The following GLDC variants were observed in gnomAD, a reference collection of about 807,000 sequenced individuals.
The protein encoded by GLDC is glycine dehydrogenase (decarboxylating), mitochondrial.
A neutral mutation model predicts 121.3 loss-of-function variants in GLDC; 104 were observed. That is an observed-to-expected ratio of 0.86 (90% CI 0.73 to 1.01). GLDC has a LOEUF of 1.01. Ranked by LOEUF, GLDC falls within the 50% of genes least tolerant of loss-of-function variation. GLDC has a pLI of 0.00. For synonymous variants in GLDC, 546 were observed against 480.6 expected (o/e 1.14, Z -1.78); for missense variants, 1,429 against 1,306.6 (o/e 1.09, Z -1.44).
At chr9:6,592,311 G>A (rs957867263) in intron 10 of GLDC, 88 bp from the exon 11 acceptor site, 3 of 828,252 alleles carry the variant, frequency 3.6e-6, no homozygotes, top group Non-Finnish European at 6.3e-6. Flanking sequence ...GGGAGACAGT[G>A]CTAAACAAAA....
chr9:6,621,586 T>G (rs1819094964), intron 2 of GLDC, among the ~76,000 whole-genome samples: 1 of 152,148 alleles, frequency 6.6e-6, no homozygotes, highest in South Asian at 2.1e-4. Flanking sequence ...GGCTCGATCT[T>G]GGCTCACTGC....
chr9:6,620,459 C>T (rs1819068728), intron 2 of GLDC, 140 bp from the exon 3 acceptor site: 1 of 736,706 alleles, frequency 1.4e-6, no homozygotes, highest in East Asian at 2.7e-5. Context: ...ATCCAACCAA[C>T]ACTAAGTACT....
At chr9:6,550,725 C>A (rs1228076395) in intron 21 of GLDC, 78 bp downstream of exon 21, 1 of 852,544 alleles carries the variant, frequency 1.2e-6, no homozygotes. Context: ...TTGCCCATGT[C>A]AGAAAAGCGC....
At chr9:6,539,016 T>G (rs1463058320) in intron 22 of GLDC, among the ~76,000 whole-genome samples, 1 of 152,216 alleles carries the variant, frequency 6.6e-6, no homozygotes, top group Non-Finnish European at 1.5e-5. Flanking sequence ...CCCATTATGA[T>G]GCAGTAGTGA....
intron 8 of GLDC, among the ~76,000 whole-genome samples, chr9:6,600,211 T>C (rs1440670957): frequency 6.6e-6 from 1 of 151,962 alleles, no homozygotes; most frequent in Non-Finnish European, 1.5e-5. Flanking sequence ...AAAACATTTT[T>C]TTGAAAATTA....
At chr9:6,624,889 G>A (rs576830041) in intron 2 of GLDC, among the ~76,000 whole-genome samples, 18 of 152,086 alleles carry the variant, frequency 1.2e-4, no homozygotes, top group African/African-American at 4.1e-4. Context: ...TTGGGAGGCT[G>A]ACACAGGAGA....
chr9:6,595,168 G>T, intron 8 of GLDC, 49 bp from the exon 9 acceptor site: 1 of 1,194,260 alleles, frequency 8.4e-7, no homozygotes, highest in Non-Finnish European at 1.3e-6. Context: ...GACAATTAGT[G>T]GGAGGGTGTA....
intron 9 of GLDC, among the ~76,000 whole-genome samples, chr9:6,593,675 AACCATGATTTAATC>A (rs1343841783): frequency 2.6e-5 from 4 of 151,138 alleles, no homozygotes; most frequent in Admixed American, 6.6e-5. Flanking sequence ...CATATGGATG[AACCATGATTTAATC>A]ACTTTTTTTT....
Position 6,536,162 on chromosome 9 carries a change from C to G in GLDC, c.2740G>C (p.Ala914Pro). The G allele has an allele frequency of 6.2e-7, 1 of 1,614,114 alleles. No homozygotes were observed. Among genetic ancestry groups the G allele is most frequent in the Non-Finnish European group, 8.5e-7 (1 of 1,179,988 alleles). Reference sequence around the variant, plus strand: ...GCATCACAGAATCTGTCCAGCTCTGCCTTGTCCTCCGACTCAGTGGGCTCC... The same window carrying G: ...GCATCACAGAATCTGTCCAGCTCTGGCTTGTCCTCCGACTCAGTGGGCTCC... ...MVEPTESEDKAELDRFCDAMI... is the reference protein window; with the variant it reads ...MVEPTESEDKPELDRFCDAMI... The change falls in exon 23 of 25, where the codon GCA becomes CCA. Residue 914 changes from alanine to proline, a missense_variant. Transcript: ENST00000321612.
chr9:6,635,690 T>C lies in GLDC; in HGVS notation c.334+8924A>G, dbSNP rs148397359. ...AAGCTTGAGACCAGCCTGGGCAACA[T>C]ATTGAGACCCCCATGTCTACAAAAA... On this transcript the variant is annotated intron_variant, in intron 2 of 24. Coordinates refer to ENST00000321612, the MANE Select transcript of GLDC (RefSeq NM_000170.3). 5.2e-4 allele frequency among the ~76,000 whole-genome samples: 79 copies of C among 151,924 alleles called. 2 individuals are homozygous for C. The highest frequency in any genetic ancestry group is 6.8e-3 in the Middle Eastern group (2 of 294).
At chr9:6,573,928 C>G (rs1303927133) in intron 15 of GLDC, among the ~76,000 whole-genome samples, 1 of 152,150 alleles carries the variant, frequency 6.6e-6, no homozygotes, top group Admixed American at 6.5e-5. Flanking sequence ...ATGATTTTAA[C>G]CAGTGAAACT....
chr9:6,595,709 T>C (rs1448834224), intron 8 of GLDC, among the ~76,000 whole-genome samples: 1 of 152,264 alleles, frequency 6.6e-6, no homozygotes, highest in East Asian at 1.9e-4. Context: ...GGTGTGCAAC[T>C]GTAGTCCCAG....
Position 6,645,678 on chromosome 9 carries a change from G to T in GLDC, c.-179C>A. The T allele has an allele frequency of 8.1e-6, 3 of 369,234 alleles. No homozygotes were observed. Among genetic ancestry groups the T allele is most frequent in the Non-Finnish European group, 1.3e-5 (3 of 223,756 alleles). The allele number at this position is 369,234 out of a possible 1,614,324, so 22.9% of individuals were successfully genotyped here. ...ATGAATGGGCGCTGCGCTCAACCAAGACACTCGCGCAAAGTTGTGGCTCCA... is the reference window on the plus strand; with the variant it reads ...ATGAATGGGCGCTGCGCTCAACCAATACACTCGCGCAAAGTTGTGGCTCCA... On this transcript the variant is annotated 5_prime_UTR_variant, in exon 1 of 25. Transcript: ENST00000321612.
At chr9:6,585,339 T>C (rs1219194031) in intron 15 of GLDC, among the ~76,000 whole-genome samples, 10 of 152,330 alleles carry the variant, frequency 6.6e-5, no homozygotes, top group South Asian at 2.1e-4. Flanking sequence ...GCGAAATTTC[T>C]TAATTTTCAA....
intron 15 of GLDC, among the ~76,000 whole-genome samples, chr9:6,586,061 C>T (rs144535941): frequency 0.012 from 1,886 of 152,088 alleles, 27 homozygotes; most frequent in African/African-American, 0.043. Context: ...TTTGGGAGGC[C>T]GAGCCAGGCG....
chr9:6,539,044 G>T (rs1817197222), intron 22 of GLDC, among the ~76,000 whole-genome samples: 1 of 151,084 alleles, frequency 6.6e-6, no homozygotes, highest in South Asian at 2.1e-4. Context: ...AAATTTAAAA[G>T]ATTTTTTTCT....
Position 6,558,575 on chromosome 9 carries a change from ACTG to A in GLDC, c.2033_2035del (p.Ala678del), listed in dbSNP as rs769625871. On this transcript the variant is annotated inframe_deletion, in exon 17 of 25. Coordinates refer to ENST00000321612, the MANE Select transcript of GLDC (RefSeq NM_000170.3). Reference sequence around the variant, plus strand: ...GACAAGTACCATGGCCTTGAGGTGAACTGCATCGATATTCCCATATTTATCCAC... The same window carrying A: ...GACAAGTACCATGGCCTTGAGGTGAACATCGATATTCCCATATTTATCCAC... 1.9e-6 allele frequency: 3 copies of A among 1,614,182 alleles called. No homozygotes were observed. Among genetic ancestry groups the A allele is most frequent in the Non-Finnish European group, 2.5e-6 (3 of 1,180,030 alleles).
At chr9:6,620,881 T>C (rs1464147240) in intron 2 of GLDC, among the ~76,000 whole-genome samples, 3 of 152,174 alleles carry the variant, frequency 2.0e-5, no homozygotes, top group Admixed American at 1.3e-4. Flanking sequence ...AAGACCCTCA[T>C]GCAGGGCTGT....
At chr9:6,630,869 C>G (rs1299935822) in intron 2 of GLDC, among the ~76,000 whole-genome samples, 1 of 152,208 alleles carries the variant, frequency 6.6e-6, no homozygotes, top group East Asian at 1.9e-4. Flanking sequence ...TCCCCCATAG[C>G]CACCTGGATC....
Sources: allele counts gnomAD v4.1 joint callset (sites outside exome capture counted in the v4.1 genomes callset), GRCh38; gene constraint gnomAD v4.1.1; transcripts MANE v1.5; gene names NCBI Gene and HGNC (gene_info 2026-07-23, HGNC 2026-07-21).